The following PRKD1 variants were observed in gnomAD, a reference collection of about 807,000 sequenced individuals.
PRKD1 encodes protein kinase D1, also known as serine/threonine-protein kinase D1.
Under a neutral mutation model 95.9 loss-of-function variants are expected in PRKD1, and 63 were observed. The ratio of observed to expected loss-of-function variants is 0.66; its 90% CI spans 0.54 to 0.81. PRKD1 has a LOEUF of 0.81. Among genes scored for constraint, PRKD1 ranks in the 30% least tolerant of loss-of-function variants. The pLI is 0.00. For missense variants in PRKD1, 1,048 were observed against 1,165.3 expected, an observed-to-expected ratio of 0.90 and a Z score of 1.47; for synonymous variants, 425 against 423.1, an observed-to-expected ratio of 1.00 and a Z score of -0.05.
intron 1 of PRKD1, among the ~76,000 whole-genome samples, chr14:29,859,754 T>G (rs908080851): frequency 6.6e-6 from 1 of 152,198 alleles, no homozygotes; most frequent in Non-Finnish European, 1.5e-5. Context: ...AGGAAATTTA[T>G]TAACTAATTA....
At chr14:29,860,693 T>G (rs1399254423) in intron 1 of PRKD1, among the ~76,000 whole-genome samples, 2 of 152,220 alleles carry the variant, frequency 1.3e-5, no homozygotes, top group African/African-American at 4.8e-5. Flanking sequence ...AACATACCTA[T>G]GTGTATTTAA....
intron 2 of PRKD1, among the ~76,000 whole-genome samples, chr14:29,672,788 A>C (rs1882938039): frequency 6.6e-6 from 1 of 152,138 alleles, no homozygotes. Flanking sequence ...ATTCAAGGAG[A>C]GATTCCCCAG....
At chr14:29,762,081 C>T (rs969989436) in intron 1 of PRKD1, among the ~76,000 whole-genome samples, 5 of 152,136 alleles carry the variant, frequency 3.3e-5, no homozygotes, top group African/African-American at 7.2e-5. Context: ...TGGCTCTTAA[C>T]AGTGGGGCTC....
chr14:29,707,211 C>T (rs1408963775), intron 2 of PRKD1, among the ~76,000 whole-genome samples: 1 of 152,048 alleles, frequency 6.6e-6, no homozygotes, highest in South Asian at 2.1e-4. Context: ...ATATTGTTAT[C>T]CAATCCAGGC....
chr14:29,617,027 C>T (rs1878912338), intron 13 of PRKD1, among the ~76,000 whole-genome samples: 1 of 152,136 alleles, frequency 6.6e-6, no homozygotes, highest in African/African-American at 2.4e-5. Flanking sequence ...CTATTTAGTT[C>T]TCACTTATAA....
At chr14:29,675,477 C>T (rs556214602) in intron 2 of PRKD1, among the ~76,000 whole-genome samples, 10 of 152,258 alleles carry the variant, frequency 6.6e-5, no homozygotes, top group Non-Finnish European at 1.0e-4. Context: ...GACATGTAAC[C>T]TTTTGAGTCT....
intron 1 of PRKD1, among the ~76,000 whole-genome samples, chr14:29,846,512 A>C (rs1306888143): frequency 3.3e-5 from 5 of 152,202 alleles, no homozygotes; most frequent in Non-Finnish European, 5.9e-5. Flanking sequence ...CAGGACTGGA[A>C]GGAGCAAGGA....
intron 2 of PRKD1, among the ~76,000 whole-genome samples, chr14:29,667,066 A>C (rs1455083417): frequency 6.6e-6 from 1 of 152,212 alleles, no homozygotes; most frequent in African/African-American, 2.4e-5. Flanking sequence ...GACAGCGGAA[A>C]GATGAGCTTT....
At chr14:29,666,022 G>A (rs944375461) in intron 3 of PRKD1, 55 bp downstream of exon 3, 11 of 1,494,622 alleles carry the variant, frequency 7.4e-6, no homozygotes, top group East Asian at 2.3e-5. Context: ...ATTCTGCTGC[G>A]ATAAACACAG....
intron 16 of PRKD1, among the ~76,000 whole-genome samples, chr14:29,581,483 G>GC (rs1359507738): frequency 6.6e-6 from 1 of 151,956 alleles, no homozygotes; most frequent in Non-Finnish European, 1.5e-5. Flanking sequence ...GCTTCAAAAG[G>GC]CCATGTAAGT....
chr14:29,778,287 G>A lies in PRKD1; in HGVS notation c.265-52613C>T, dbSNP rs1007716549. Among the ~76,000 whole-genome samples the A allele has an allele frequency of 2.1e-4, 32 of 152,038 alleles. 1 individual carries two copies. In the South Asian group the frequency reaches 5.8e-3, roughly 28 times the overall value. On this transcript the variant is annotated intron_variant, in intron 1 of 17. Coordinates refer to ENST00000331968, the MANE Select transcript of PRKD1 (RefSeq NM_002742.3). ...CAGAAGGCAAGAAATAACTAAGATC[G>A]GAGCAGAAATGAAGGAGATACAGAC...
In PRKD1 at chr14:29,849,577, CA is replaced by C. The variant is rs368009160; in HGVS notation, c.264+77671del. Among the ~76,000 whole-genome samples the C allele has an allele frequency of 1.8e-3, 255 of 139,696 alleles. 1 individual carries two copies. The highest frequency in any genetic ancestry group is 5.1e-3 in the African/African-American group (191 of 37,376). 91.6% of individuals were successfully genotyped at this position (139,696 alleles called of 152,430 possible). Reference sequence around the variant, plus strand: ...AGTAAAACAACAACAACAACAACAACAAAAAAAAAACTACCAATCAGAAAAC... The same window carrying C: ...AGTAAAACAACAACAACAACAACAACAAAAAAAAACTACCAATCAGAAAAC... On this transcript the variant is annotated intron_variant, in intron 1 of 17. Transcript: ENST00000331968.
chr14:29,804,801 G>GT (rs917281183), intron 1 of PRKD1, among the ~76,000 whole-genome samples: 15 of 150,812 alleles, frequency 9.9e-5, no homozygotes, highest in South Asian at 2.1e-4. Flanking sequence ...TCAATGAGGT[G>GT]TTTTTTTTTC....
At chr14:29,578,086 C>G (rs1892623645) in intron 17 of PRKD1, among the ~76,000 whole-genome samples, 189 bp downstream of exon 17, 1 of 151,780 alleles carries the variant, frequency 6.6e-6, no homozygotes, top group Non-Finnish European at 1.5e-5. Flanking sequence ...TCAAATTATC[C>G]TGGTAGAGAA....
chr14:29,726,864 CA>C (rs1886176189), intron 1 of PRKD1, among the ~76,000 whole-genome samples: 1 of 150,812 alleles, frequency 6.6e-6, no homozygotes, highest in Admixed American at 6.6e-5. Context: ...AAACTTAGTT[CA>C]CTTTATTTTT....
rs369564250 is a variant in PRKD1 at position 29,661,727 on chromosome 14, T to C, written c.696+1972A>G. ...GTCACAAACATTACTTCCAAATGCA[T>C]TTCTCATTTAAAGTTTACCTGAAGG... On this transcript the variant is annotated intron_variant, in intron 4 of 17. Coordinates refer to ENST00000331968, the MANE Select transcript of PRKD1 (RefSeq NM_002742.3). Among the ~76,000 whole-genome samples, 29 of 152,284 alleles carry C rather than the reference T, an allele frequency of 1.9e-4. No homozygotes were observed. The East Asian group carries it at 5.4e-3, about 28-fold the overall frequency.
At chr14:29,610,464 T>A (rs1878385730) in intron 13 of PRKD1, among the ~76,000 whole-genome samples, 1 of 152,068 alleles carries the variant, frequency 6.6e-6, no homozygotes, top group Non-Finnish European at 1.5e-5. Flanking sequence ...AAAATACCAG[T>A]AAGATACCAT....
intron 1 of PRKD1, among the ~76,000 whole-genome samples, chr14:29,795,716 A>G (rs1361673310): frequency 1.3e-5 from 2 of 152,156 alleles, no homozygotes; most frequent in Non-Finnish European, 2.9e-5. Context: ...TATTAAAACA[A>G]TCATGTAAGA....
In PRKD1 at chr14:29,648,625, T is replaced by C. The variant is rs1166818808; in HGVS notation, c.697-9721A>G. Among the ~76,000 whole-genome samples, 8 of 152,284 alleles carry C rather than the reference T, an allele frequency of 5.3e-5. 1 individual carries two copies. The highest frequency in any genetic ancestry group is 1.7e-4 in the African/African-American group (7 of 41,576). On this transcript the variant is annotated intron_variant, in intron 4 of 17. Transcript: ENST00000331968. ...TATAAATGCTGTGTTTACCATGTGC[T>C]GGCCTCACAAAGTCTTTTATAAAAC...
Sources: allele counts gnomAD v4.1 joint callset (sites outside exome capture counted in the v4.1 genomes callset), GRCh38; gene constraint gnomAD v4.1.1; transcripts MANE v1.5; gene names NCBI Gene and HGNC (gene_info 2026-07-23, HGNC 2026-07-21).